The following LNP1 variants were observed in gnomAD, a reference collection of about 807,000 sequenced individuals.
The protein encoded by LNP1 is leukemia NUP98 fusion partner 1.
A neutral mutation model predicts 14.5 loss-of-function variants in LNP1; 12 were observed. That is an observed-to-expected ratio of 0.83 (90% CI 0.53 to 1.34). The LOEUF is 1.34. LNP1 is among the 40% of genes most tolerant of loss of function. The pLI, the probability that LNP1 is intolerant of heterozygous loss-of-function variation, is 0.00. For synonymous variants in LNP1, 75 were observed against 71.4 expected (o/e 1.05, Z -0.26); for missense variants, 198 against 210.9 (o/e 0.94, Z 0.38).
Position 100,429,840 on chromosome 3 carries a change from C to T in LNP1, c.111C>T (p.His37=). ...EEDQRGLRER[H]RLQATSHRKT... ...ATCAGAGAGGACTCCGGGAACGCCACCGACTGCAAGCCACCAGTCACAGGA... is the reference window on the plus strand; with the variant it reads ...ATCAGAGAGGACTCCGGGAACGCCATCGACTGCAAGCCACCAGTCACAGGA... Residue 37 remains histidine (H), a synonymous_variant, in exon 2 of 4, where the codon CAC becomes CAT. Transcript: ENST00000383693. The T allele has an allele frequency of 6.2e-7, 1 of 1,613,944 alleles. No homozygotes were observed. Among genetic ancestry groups the T allele is most frequent in the Non-Finnish European group, 8.5e-7 (1 of 1,179,928 alleles).
intron 1 of LNP1, among the ~76,000 whole-genome samples, chr3:100,414,025 C>T (rs1173920049): frequency 6.6e-6 from 1 of 151,382 alleles, no homozygotes; most frequent in Non-Finnish European, 1.5e-5. Context: ...GAAAAACATT[C>T]AAAGCTGCAA....
chr3:100,453,627 A>T (rs557894681), intron 3 of LNP1, among the ~76,000 whole-genome samples: 1 of 152,100 alleles, frequency 6.6e-6, no homozygotes, highest in Admixed American at 6.6e-5. Context: ...TTTTAAAAAA[A>T]TACTTTTTGT....
chr3:100,422,366 G>T (rs1234981576), intron 1 of LNP1, among the ~76,000 whole-genome samples: 1 of 151,892 alleles, frequency 6.6e-6, no homozygotes, highest in Admixed American at 6.6e-5. Flanking sequence ...TGCATTTTTA[G>T]TGGAGACAGG....
At chr3:100,439,477 G>A (rs979306618) in intron 2 of LNP1, among the ~76,000 whole-genome samples, 10 of 152,136 alleles carry the variant, frequency 6.6e-5, no homozygotes, top group African/African-American at 2.4e-4. Context: ...TTCCATGGCA[G>A]TGGATCTGCC....
chr3:100,451,686 T>C, intron 2 of LNP1, 33 bp from the exon 3 acceptor site: 3 of 1,189,408 alleles, frequency 2.5e-6, no homozygotes, highest in South Asian at 2.5e-5. Context: ...ACAGTCCTTT[T>C]ATACTGTAAA....
chr3:100,434,905 A>T (rs1257567914), intron 2 of LNP1, among the ~76,000 whole-genome samples: 2 of 149,356 alleles, frequency 1.3e-5, no homozygotes, highest in African/African-American at 5.0e-5. Context: ...ATTTACAGTG[A>T]TGAAAGATAT....
At position 100,434,780 on chromosome 3, in the gene LNP1, C is replaced by T. The variant is rs140150538; in HGVS notation, c.156+4895C>T. 1.7e-3 allele frequency among the ~76,000 whole-genome samples: 251 copies of T among 150,894 alleles called. 2 individuals are homozygous for T. The highest frequency in any genetic ancestry group is 5.6e-3 in the African/African-American group (232 of 41,092). ...CTGACCTCAGGTGATCTGCCCACCT[C>T]GGCCTCCCAAAGTGCTGTGATTACA... On this transcript the variant is annotated intron_variant, in intron 2 of 3. Transcript: ENST00000383693.
rs563985421 is a variant in LNP1 at position 100,443,525 on chromosome 3, G to A, written c.157-8194G>A. ...ATAAGACTTTTTTAAAAGCTGAGCTGAGTTGGGCGATCCTCTCCTCTTGAG... is the reference window on the plus strand; with the variant it reads ...ATAAGACTTTTTTAAAAGCTGAGCTAAGTTGGGCGATCCTCTCCTCTTGAG... On this transcript the variant is annotated intron_variant, in intron 2 of 3. Coordinates refer to ENST00000383693, the MANE Select transcript of LNP1 (RefSeq NM_001085451.2). Among the ~76,000 whole-genome samples, 44 of 152,304 alleles carry A rather than the reference G, an allele frequency of 2.9e-4. No individual in the cohort carries two copies. The Middle Eastern group carries it at 0.02, about 71-fold the overall frequency.
intron 2 of LNP1, among the ~76,000 whole-genome samples, chr3:100,449,795 A>G (rs1707421576): frequency 6.6e-6 from 1 of 152,168 alleles, no homozygotes; most frequent in South Asian, 2.1e-4. Context: ...AACCTTTTAA[A>G]TCTTATTACC....
At chr3:100,421,059 G>T (rs1707139986) in intron 1 of LNP1, among the ~76,000 whole-genome samples, 1 of 151,980 alleles carries the variant, frequency 6.6e-6, no homozygotes, top group South Asian at 2.1e-4. Context: ...GCTCACTGGA[G>T]CCTCAATCTC....
chr3:100,438,500 T>C (rs558108316), intron 2 of LNP1, among the ~76,000 whole-genome samples: 4 of 152,262 alleles, frequency 2.6e-5, no homozygotes, highest in Admixed American at 1.3e-4. Flanking sequence ...GTTTACACAT[T>C]AGGATTCACT....
intron 2 of LNP1, among the ~76,000 whole-genome samples, chr3:100,450,011 C>T (rs1707422951): frequency 6.6e-6 from 1 of 151,498 alleles, no homozygotes; most frequent in Non-Finnish European, 1.5e-5. Flanking sequence ...TAAATAAAGA[C>T]TCTTAAGTAG....
At chr3:100,422,277 G>A (rs768495790) in intron 1 of LNP1, among the ~76,000 whole-genome samples, 18 of 149,796 alleles carry the variant, frequency 1.2e-4, no homozygotes, top group Non-Finnish European at 1.6e-4. Context: ...TTCGCCTCCC[G>A]GGTTCAGGCC....
intron 1 of LNP1, among the ~76,000 whole-genome samples, chr3:100,419,146 C>G (rs767443589): frequency 6.6e-6 from 1 of 152,186 alleles, no homozygotes; most frequent in Admixed American, 6.5e-5. Context: ...TTTTCTGCTA[C>G]AGTTGCTCTA....
chr3:100,422,448 G>T (rs1177092062), intron 1 of LNP1, among the ~76,000 whole-genome samples: 4 of 152,132 alleles, frequency 2.6e-5, no homozygotes, highest in African/African-American at 7.2e-5. Context: ...CTCCCAAAAA[G>T]TTTTTTACAT....
At chr3:100,407,078 T>C (rs1706977076) in intron 1 of LNP1, among the ~76,000 whole-genome samples, 1 of 152,246 alleles carries the variant, frequency 6.6e-6, no homozygotes, top group Non-Finnish European at 1.5e-5. Flanking sequence ...CTTTTAGCCC[T>C]ACTAAAGATA....
At chr3:100,432,192 C>T (rs951303366) in intron 2 of LNP1, among the ~76,000 whole-genome samples, 8 of 151,530 alleles carry the variant, frequency 5.3e-5, no homozygotes, top group Non-Finnish European at 5.9e-5. Context: ...CCTCTCTCAA[C>T]CTTTTAATAA....
chr3:100,423,959 G>A (rs1707169772), intron 1 of LNP1, among the ~76,000 whole-genome samples: 1 of 152,170 alleles, frequency 6.6e-6, no homozygotes, highest in Non-Finnish European at 1.5e-5. Flanking sequence ...TCCCAAGAAA[G>A]CCCAGAAGAG....
chr3:100,412,285 C>T (rs1374247417), intron 1 of LNP1, among the ~76,000 whole-genome samples: 1 of 152,176 alleles, frequency 6.6e-6, no homozygotes, highest in Admixed American at 6.5e-5. Flanking sequence ...AGAGCAAGAA[C>T]TCACTACCGT....
Sources: gnomAD v4.1 joint callset for allele counts (sites outside exome capture counted in the v4.1 genomes callset) on GRCh38, gnomAD v4.1.1 for gene constraint, MANE v1.5 for transcripts, NCBI Gene and HGNC (gene_info 2026-07-23, HGNC 2026-07-21) for gene names.